Variants in NHSL2 observed in about 807,000 individuals in gnomAD.
NHSL2 encodes the protein NHS like 2, also known as NHS-like protein 2.
NHSL2 carries 27 observed loss-of-function variants against 53.4 expected under a neutral mutation model. The ratio of observed to expected loss-of-function variants is 0.51; its 90% confidence interval spans 0.37 to 0.70. The LOEUF (loss-of-function observed/expected upper bound fraction) is 0.70. Among genes scored for constraint, NHSL2 ranks in the 30% least tolerant of loss-of-function variants. The probability of loss-of-function intolerance (pLI) is 0.00; values close to 1 mark genes in which losing one functional copy is unlikely to be tolerated. For synonymous variants in NHSL2, 408 were observed against 404.1 expected (o/e 1.01, Z -0.12); for missense variants, 892 against 980.1 (o/e 0.91, Z 1.20).
At chrX:72,135,929 G>A (rs1008387201) in intron 4 of NHSL2, among the ~76,000 whole-genome samples, 28 of 111,394 alleles carry the variant, frequency 2.5e-4, no homozygotes, top group Non-Finnish European at 7.5e-5. Context: ...CTAGCTACTC[G>A]GGAGGCTGAG....
chrX:71,971,074 CT>C (rs890884596), intron 1 of NHSL2, among the ~76,000 whole-genome samples: 23 of 108,245 alleles, frequency 2.1e-4, no homozygotes, highest in African/African-American at 3.3e-4. Context: ...TGTTTCACAT[CT>C]TTTTTTTTTA....
At chrX:71,975,232 T>G (rs2041943222) in intron 1 of NHSL2, among the ~76,000 whole-genome samples, 1 of 111,951 alleles carries the variant, frequency 8.9e-6, no homozygotes, top group Non-Finnish European at 1.9e-5. Context: ...TGACCTGGCC[T>G]TTCAGTTTCT....
chrX:72,078,975 G>A (rs1359743164), intron 1 of NHSL2, among the ~76,000 whole-genome samples: 1 of 112,153 alleles, frequency 8.9e-6, no homozygotes, highest in Non-Finnish European at 1.9e-5. Context: ...CCTTCAAGCT[G>A]TTTCCTTGTC....
chrX:72,130,916 C>T, intron 1 of NHSL2: 2 of 1,211,916 alleles, frequency 1.7e-6, no homozygotes, highest in Admixed American at 2.2e-5. Context: ...GGGCTTCCTT[C>T]CTGGGTGACC....
At chrX:71,925,069 T>C (rs1260570875) in intron 1 of NHSL2, among the ~76,000 whole-genome samples, 1 of 112,610 alleles carries the variant, frequency 8.9e-6, no homozygotes, top group Non-Finnish European at 1.9e-5. Flanking sequence ...AGATGAGTTT[T>C]TGTGTTTCTT....
chrX:71,969,118 T>C (rs1385683662), intron 1 of NHSL2, among the ~76,000 whole-genome samples: 1 of 111,225 alleles, frequency 9.0e-6, no homozygotes, highest in Non-Finnish European at 1.9e-5. Flanking sequence ...ATTTGGGCCA[T>C]GTAGCTATCT....
intron 1 of NHSL2, among the ~76,000 whole-genome samples, chrX:71,925,156 A>G (rs1480407035): frequency 2.7e-5 from 3 of 111,984 alleles, no homozygotes; most frequent in African/African-American, 9.7e-5. Flanking sequence ...AATTTTTGCC[A>G]TTACCAATAC....
At chrX:72,110,851 C>T (rs1404197594) in intron 1 of NHSL2, among the ~76,000 whole-genome samples, 3 of 110,154 alleles carry the variant, frequency 2.7e-5, no homozygotes, top group Non-Finnish European at 5.7e-5. Context: ...CCCTTTCCCA[C>T]ATCTCAAATG....
At chrX:72,027,205 A>G (rs978465367) in intron 1 of NHSL2, among the ~76,000 whole-genome samples, 5 of 112,272 alleles carry the variant, frequency 4.5e-5, no homozygotes, top group East Asian at 5.6e-4. Context: ...AGGGTCTCTC[A>G]TGATATCCAG....
intron 1 of NHSL2, chrX:72,131,864 G>T: frequency 3.2e-6 from 1 of 312,727 alleles, no homozygotes; most frequent in Admixed American, 6.9e-5. Flanking sequence ...GCGGGCGGGC[G>T]GGCAGGGGCG....
At chrX:71,961,248 GAATTC>G (rs200965875) in intron 1 of NHSL2, among the ~76,000 whole-genome samples, 3,664 of 111,437 alleles carry the variant, frequency 0.033, 138 homozygotes, top group African/African-American at 0.11. Context: ...CAACTTTGCT[GAATTC>G]ATTTATTAGC....
chrX:72,041,339 G>A (rs1272036582), intron 1 of NHSL2, among the ~76,000 whole-genome samples: 3 of 111,764 alleles, frequency 2.7e-5, no homozygotes, highest in African/African-American at 9.8e-5. Flanking sequence ...TGTGCGGACC[G>A]TGGGAAACTG....
Position 72,138,752 on chromosome X carries a change from C to T in NHSL2, c.1204C>T (p.Pro402Ser), listed in dbSNP as rs770426641. 9.1e-6 allele frequency: 11 copies of T among 1,208,972 alleles called. No individual in the cohort carries two copies. The East Asian group carries it at 3.0e-4, about 32-fold the overall frequency. The change falls in exon 6 of 8, where the codon CCA (proline) becomes TCA (serine). Residue 402 changes from proline (P) to serine (S), a missense_variant. Transcript: ENST00000633930. ...GGGAGATGCTTTTACCTACATGACT[C>T]CAAGTGCCACCAGCCAGAGCAATCA... is the stretch of plus-strand genomic sequence containing the variant. ...WKGDAFTYMTPSATSQSNQVN... is the reference protein window; with the variant it reads ...WKGDAFTYMTSSATSQSNQVN...
rs143933432 is a variant in NHSL2 at position 72,112,467 on chromosome X, A to C, written c.281-19612A>C. Among the ~76,000 whole-genome samples, 590 of 112,063 alleles carry C rather than the reference A, an allele frequency of 5.3e-3. 4 individuals carry two copies. Among genetic ancestry groups the C allele is most frequent in the African/African-American group, 0.018 (570 of 30,843 alleles). ...CCAGACCATTTTTATTATGCCAAAA[A>C]GGAGACCTTTTTCTCATTAGCAGTC... On this transcript the variant is annotated intron_variant, in intron 1 of 7. Transcript: ENST00000633930.
chrX:72,050,963 T>C (rs1348092308), intron 1 of NHSL2, among the ~76,000 whole-genome samples: 3 of 110,870 alleles, frequency 2.7e-5, no homozygotes, highest in Admixed American at 9.5e-5. Flanking sequence ...GTCCCTGCAT[T>C]CTCCTCCTCA....
In NHSL2 at chrX:72,146,904, C is replaced by G. The variant is rs955684008; in HGVS notation, c.*3330C>G. On this transcript the variant is annotated 3_prime_UTR_variant, in exon 8 of 8. Transcript: ENST00000633930. ...GAACTGCATCCCTAGCACAACAACTCACCCATAAAGGAAGTGAGACAACAG... is the reference window on the plus strand; with the variant it reads ...GAACTGCATCCCTAGCACAACAACTGACCCATAAAGGAAGTGAGACAACAG... 2 of 111,612 alleles carry G rather than the reference C, an allele frequency of 1.8e-5. No homozygotes were observed. The highest frequency in any genetic ancestry group is 6.5e-5 in the African/African-American group (2 of 30,623). 9.2% of individuals were successfully genotyped at this position (111,612 alleles called of 1,213,427 possible).
Position 72,140,575 on chromosome X carries a change from C to A in NHSL2, c.3027C>A (p.Ser1009Arg), listed in dbSNP as rs745710347. 8.3e-7 allele frequency: 1 copy of A among 1,211,142 alleles called. No homozygotes were observed. The highest frequency in any genetic ancestry group is 2.2e-5 in the Admixed American group (1 of 46,073). The change falls in exon 6 of 8, where the codon AGC (serine) becomes AGA (arginine). Residue 1009 changes from serine to arginine, a missense_variant. By Grantham distance (110) the Ser-to-Arg change is moderately radical. Coordinates refer to ENST00000633930, the MANE Select transcript of NHSL2 (RefSeq NM_001013627.3). ...KIPPPVPKKPSVLYLPLTSPT... is the reference protein window; with the variant it reads ...KIPPPVPKKPRVLYLPLTSPT... ...CACCTCCCGTACCAAAAAAACCCAG[C>A]GTGCTGTACCTGCCTCTCACTTCTC... is the stretch of plus-strand genomic sequence containing the variant.
rs1341615002 is a variant in NHSL2, at chrX:72,150,436, C to A, written c.*6862C>A. On this transcript the variant is annotated 3_prime_UTR_variant, in exon 8 of 8. Coordinates refer to ENST00000633930, the MANE Select transcript of NHSL2 (RefSeq NM_001013627.3). ...TAGCTTTCCCAGAGTCTACTTTAGCCTTCCCTTCTTAATCTTTATGAGAAA... is the reference window on the plus strand; with the variant it reads ...TAGCTTTCCCAGAGTCTACTTTAGCATTCCCTTCTTAATCTTTATGAGAAA... 8.9e-6 allele frequency: 1 copy of A among 111,909 alleles called. No individual in the cohort carries two copies. Among genetic ancestry groups the A allele is most frequent in the Non-Finnish European group, 1.9e-5 (1 of 53,200 alleles). The allele number at this position is 111,909 out of a possible 1,213,427, so 9.2% of individuals were successfully genotyped here. A position where few individuals can be genotyped will look rare whatever the true frequency, so the allele number is the denominator to read the frequency against.
chrX:71,993,777 A>C (rs1195079938), intron 1 of NHSL2, among the ~76,000 whole-genome samples: 1 of 111,186 alleles, frequency 9.0e-6, no homozygotes, highest in Non-Finnish European at 1.9e-5. Flanking sequence ...TAAGGGTGAG[A>C]GTCGGCCAAG....
Sources: gnomAD v4.1 joint callset for allele counts (sites outside exome capture counted in the v4.1 genomes callset) on GRCh38, gnomAD v4.1.1 for gene constraint, MANE v1.5 for transcripts, NCBI Gene and HGNC (gene_info 2026-07-23, HGNC 2026-07-21) for gene names.